Variants in SOX5 observed in about 807,000 individuals in gnomAD.
The protein encoded by SOX5 is SRY-box transcription factor 5.
SOX5 carries 9 observed loss-of-function variants against 92.0 expected under a neutral mutation model. The ratio of observed to expected loss-of-function variants is 0.10; its 90% confidence interval spans 0.06 to 0.17. The LOEUF is 0.17. Ranked by LOEUF, SOX5 falls within the 10% of genes least tolerant of loss-of-function variation. The pLI, the probability that SOX5 is intolerant of heterozygous loss-of-function variation, is 1.00. For synonymous variants in SOX5, 344 were observed against 336.3 expected, an observed-to-expected ratio of 1.02 and a Z score of -0.25; for missense variants, 642 against 944.5, an observed-to-expected ratio of 0.68 and a Z score of 4.20.
intron 3 of SOX5, among the ~76,000 whole-genome samples, chr12:23,839,379 TA>T (rs1311232993): frequency 6.6e-6 from 1 of 152,164 alleles, no homozygotes; most frequent in Non-Finnish European, 1.5e-5. Flanking sequence ...AAGCTACTTT[TA>T]AAATACAACA....
chr12:24,560,748 G>A (rs938200588), intron 1 of SOX5, among the ~76,000 whole-genome samples: 4 of 152,124 alleles, frequency 2.6e-5, no homozygotes, highest in African/African-American at 9.7e-5. Flanking sequence ...AAACATTTCC[G>A]TATACTTTAA....
chr12:23,970,394 G>A (rs902237472), intron 4 of SOX5, among the ~76,000 whole-genome samples: 2 of 151,912 alleles, frequency 1.3e-5, no homozygotes, highest in Admixed American at 6.6e-5. Flanking sequence ...ATCTGTTCTC[G>A]AAACTTTTTC....
At chr12:23,959,364 A>G (rs1219134285) in intron 4 of SOX5, among the ~76,000 whole-genome samples, 2 of 152,050 alleles carry the variant, frequency 1.3e-5, no homozygotes, top group African/African-American at 4.8e-5. Flanking sequence ...GAGAGAATTT[A>G]GTATACACTG....
chr12:23,598,206 C>T (rs1274588945), intron 9 of SOX5, among the ~76,000 whole-genome samples: 1 of 152,036 alleles, frequency 6.6e-6, no homozygotes, highest in African/African-American at 2.4e-5. Context: ...AATAACACCT[C>T]TAGAAACTAC....
chr12:24,472,583 G>A (rs1297402045), intron 1 of SOX5, among the ~76,000 whole-genome samples: 1 of 152,068 alleles, frequency 6.6e-6, no homozygotes, highest in Non-Finnish European at 1.5e-5. Context: ...GCCCCCAAAT[G>A]GTTAACATAA....
At chr12:24,525,801 G>A (rs1376091874) in intron 1 of SOX5, among the ~76,000 whole-genome samples, 1 of 151,998 alleles carries the variant, frequency 6.6e-6, no homozygotes, top group Non-Finnish European at 1.5e-5. Flanking sequence ...CTTGCAGTGA[G>A]CCGAGATCGC....
At chr12:23,810,133 C>T (rs1272734827) in intron 3 of SOX5, among the ~76,000 whole-genome samples, 2 of 152,138 alleles carry the variant, frequency 1.3e-5, no homozygotes, top group African/African-American at 2.4e-5. Flanking sequence ...GCAATACTAT[C>T]TTCTGTCTCC....
chr12:24,164,800 A>G (rs115231194), intron 4 of SOX5, among the ~76,000 whole-genome samples: 3,362 of 152,156 alleles, frequency 0.022, 105 homozygotes, highest in African/African-American at 0.073. Flanking sequence ...GTGGGTAAAA[A>G]GTGGTTAATG....
At chr12:23,741,681 G>C (rs544631718) in intron 4 of SOX5, among the ~76,000 whole-genome samples, 1 of 152,158 alleles carries the variant, frequency 6.6e-6, no homozygotes, top group Non-Finnish European at 1.5e-5. Flanking sequence ...TGCCAATTCA[G>C]AGTCTATCTT....
intron 2 of SOX5, among the ~76,000 whole-genome samples, chr12:24,278,450 C>T (rs553155830): frequency 6.6e-5 from 10 of 152,214 alleles, no homozygotes; most frequent in Middle Eastern, 3.4e-3. Flanking sequence ...TGATGACTCA[C>T]GCCTGTAATC....
chr12:23,753,499 AG>A (rs2094250837), intron 4 of SOX5, among the ~76,000 whole-genome samples: 1 of 151,902 alleles, frequency 6.6e-6, no homozygotes, highest in African/African-American at 2.4e-5. Context: ...ACATATGCAA[AG>A]GTTCTATTTA....
chr12:24,028,181 A>G (rs965486606), intron 4 of SOX5, among the ~76,000 whole-genome samples: 1 of 151,874 alleles, frequency 6.6e-6, no homozygotes, highest in African/African-American at 2.4e-5. Flanking sequence ...GCAGTCACCA[A>G]CACTTTTGTA....
chr12:24,100,693 T>G (rs1369309080), intron 4 of SOX5, among the ~76,000 whole-genome samples: 1 of 152,132 alleles, frequency 6.6e-6, no homozygotes, highest in Non-Finnish European at 1.5e-5. Context: ...AATAAACTAC[T>G]TGACATCTTG....
At chr12:23,868,776 T>A (rs1728465166) in intron 2 of SOX5, among the ~76,000 whole-genome samples, 1 of 152,100 alleles carries the variant, frequency 6.6e-6, no homozygotes. Flanking sequence ...CAAACCAGTA[T>A]TAGGCTTTTT....
intron 4 of SOX5, among the ~76,000 whole-genome samples, chr12:24,124,771 A>T (rs1948950770): frequency 6.6e-6 from 1 of 152,198 alleles, no homozygotes; most frequent in Non-Finnish European, 1.5e-5. Context: ...TCCTTTCTAA[A>T]CCTAAAAGGG....
At chr12:23,551,258 C>A (rs1000605351) in intron 11 of SOX5, among the ~76,000 whole-genome samples, 1 of 151,822 alleles carries the variant, frequency 6.6e-6, no homozygotes, top group African/African-American at 2.4e-5. Flanking sequence ...CCTCACAGAC[C>A]ACCAAAGAAG....
intron 3 of SOX5, among the ~76,000 whole-genome samples, chr12:23,760,091 T>C (rs1304675635): frequency 6.6e-6 from 1 of 152,124 alleles, no homozygotes; most frequent in Non-Finnish European, 1.5e-5. Flanking sequence ...AGTACTGGAA[T>C]ATCATGATTA....
intron 6 of SOX5, among the ~76,000 whole-genome samples, chr12:23,719,807 A>AAAAAAAAAAAAAAAAAAAC (rs1567209060): frequency 7.1e-6 from 1 of 140,652 alleles, no homozygotes. Context: ...AAAAAAAAAA[A>AAAAAAAAAAAAAAAAAAAC]AAAACTGATG....
intron 1 of SOX5, among the ~76,000 whole-genome samples, chr12:24,441,206 T>A (rs1011340884): frequency 6.6e-6 from 1 of 152,102 alleles, no homozygotes; most frequent in Non-Finnish European, 1.5e-5. Flanking sequence ...TGCAAAAAAA[T>A]TCCCTCCTCC....
Sources: gnomAD v4.1 joint callset for allele counts (sites outside exome capture counted in the v4.1 genomes callset) on GRCh38, gnomAD v4.1.1 for gene constraint, MANE v1.5 for transcripts, NCBI Gene and HGNC (gene_info 2026-07-23, HGNC 2026-07-21) for gene names.